ZMYND11: variants seen among roughly 807,000 people sequenced by gnomAD.
The protein encoded by ZMYND11 is zinc finger MYND domain-containing protein 11.
A neutral mutation model predicts 84.9 loss-of-function variants in ZMYND11; 9 were observed. The observed-to-expected ratio is 0.11, with a 90% CI of 0.06 to 0.18. The LOEUF is 0.18. Ranked by LOEUF, ZMYND11 falls within the 10% of genes least tolerant of loss-of-function variation. ZMYND11 has a pLI of 1.00. For missense variants in ZMYND11, 409 were observed against 761.0 expected, an observed-to-expected ratio of 0.54 and a Z score of 5.44; for synonymous variants, 250 against 244.1, an observed-to-expected ratio of 1.02 and a Z score of -0.23.
rs574736791 is a variant in ZMYND11, at chr10:148,021, T to C, written c.-20+12462T>C. 4 of 152,392 alleles carry C rather than the reference T, an allele frequency of 2.6e-5. No individual in the cohort carries two copies. In the South Asian group the frequency reaches 6.2e-4, roughly 24 times the overall value. The allele number at this position is 152,392 out of a possible 1,614,324, so 9.4% of individuals were successfully genotyped here. ...GTCCTGGGGTTATGTCTTCAGTCAA[T>C]AGTGAGACCACCTGAGAAAGTTTTT... On this transcript the variant is annotated intron_variant, in intron 1 of 14. Transcript: ENST00000381604.
chr10:233,412 T>C (rs138908306), intron 4 of ZMYND11, among the ~76,000 whole-genome samples: 429 of 152,338 alleles, frequency 2.8e-3, no homozygotes, highest in African/African-American at 9.9e-3. Flanking sequence ...CCGTGAGGGA[T>C]AAGTTTGGCC....
chr10:130,871 C>G (rs782299286), upstream of ZMYND11, among the ~76,000 whole-genome samples: 3 of 152,152 alleles, frequency 2.0e-5, no homozygotes, highest in Non-Finnish European at 4.4e-5. Flanking sequence ...GTAATTCCAG[C>G]ACTGGGGAAG....
At chr10:231,437 A>G (rs1949003216) in intron 4 of ZMYND11, among the ~76,000 whole-genome samples, 1 of 148,674 alleles carries the variant, frequency 6.7e-6, no homozygotes, top group Non-Finnish European at 1.5e-5. Flanking sequence ...CAGTGAACCA[A>G]AATGACCAAG....
At chr10:184,738 C>A (rs966551940) in intron 2 of ZMYND11, among the ~76,000 whole-genome samples, 1 of 152,150 alleles carries the variant, frequency 6.6e-6, no homozygotes, top group African/African-American at 2.4e-5. Context: ...GTCATTCTTA[C>A]GTGAAATCAC....
chr10:180,237 C>A, intron 2 of ZMYND11, 109 bp downstream of exon 2: 1 of 698,042 alleles, frequency 1.4e-6, no homozygotes, highest in Non-Finnish European at 2.3e-6. Flanking sequence ...TTACAAAGAA[C>A]TGAAGACACT....
intron 1 of ZMYND11, among the ~76,000 whole-genome samples, chr10:155,099 GTTTA>G (rs1457964286): frequency 2.0e-5 from 3 of 151,904 alleles, no homozygotes; most frequent in African/African-American, 4.8e-5. Context: ...TATTTTATTT[GTTTA>G]TTTATTTTCA....
rs375992389 is a variant in ZMYND11 at position 248,517 on chromosome 10, A to G, written c.1409A>G (p.Lys470Arg). Residue 470 changes from lysine (K) to arginine (R), a missense_variant, in exon 13 of 15, where the codon AAA (lysine) becomes AGA (arginine). Lys to Arg is a conservative substitution (Grantham distance 26, BLOSUM62 2). Around this residue, in one of 7 missense-constraint regions of ZMYND11, gnomAD observed 141 missense variants for 173.8 expected, o/e 0.81. Transcript: ENST00000381604. ...GTGTGTCAGAGCATGTGCCATGACA[A>G]ATACACCAAGATCTTCAATGACTTC... ...DGVCQSMCHD[K>R]YTKIFNDFKD... The G allele has an allele frequency of 2.5e-6, 4 of 1,614,074 alleles. No individual in the cohort carries two copies. The highest frequency in any genetic ancestry group is 3.4e-6 in the Non-Finnish European group (4 of 1,180,056).
intron 3 of ZMYND11, chr10:218,544 A>AT (rs1212108860): frequency 3.3e-5 from 10 of 301,282 alleles, no homozygotes; most frequent in Admixed American, 9.9e-5. Context: ...ATTCTGCTTT[A>AT]TTTTTTGTAT....
intron 1 of ZMYND11, among the ~76,000 whole-genome samples, chr10:165,890 G>A (rs1843892873): frequency 6.6e-6 from 1 of 152,076 alleles, no homozygotes; most frequent in African/African-American, 2.4e-5. Flanking sequence ...TAGATATGTA[G>A]TCTAGTAATA....
intron 9 of ZMYND11, among the ~76,000 whole-genome samples, chr10:241,613 T>A (rs1326349075): frequency 6.6e-6 from 1 of 152,260 alleles, no homozygotes; most frequent in African/African-American, 2.4e-5. Context: ...ACAAAGGGAA[T>A]TCTGAGCATT....
intron 2 of ZMYND11, among the ~76,000 whole-genome samples, chr10:203,156 T>A (rs948961629): frequency 3.9e-5 from 6 of 152,094 alleles, no homozygotes; most frequent in Non-Finnish European, 7.4e-5. Flanking sequence ...CTACAAAATC[T>A]AAAACAAGAT....
chr10:208,920 C>T (rs781656902), intron 2 of ZMYND11, among the ~76,000 whole-genome samples: 4 of 152,100 alleles, frequency 2.6e-5, no homozygotes, highest in Non-Finnish European at 5.9e-5. Context: ...ATTTAGCTCA[C>T]ACTATGTTTT....
intron 1 of ZMYND11, among the ~76,000 whole-genome samples, chr10:136,196 C>G (rs78123740): frequency 0.016 from 2,447 of 152,232 alleles, 57 homozygotes; most frequent in East Asian, 0.13. Flanking sequence ...CCTCCTCCCA[C>G]CCAGAGCTCC....
chr10:216,706 T>C (rs1002850595), intron 3 of ZMYND11, among the ~76,000 whole-genome samples: 2 of 152,222 alleles, frequency 1.3e-5, no homozygotes, highest in Admixed American at 1.3e-4. Context: ...GAAATTATTC[T>C]TGCTTTGGTA....
At position 207,640 on chromosome 10, in the gene ZMYND11, T is replaced by TA. The variant is rs1293053823; in HGVS notation, c.117-2245dup. On this transcript the variant is annotated intron_variant, in intron 2 of 14. Coordinates refer to ENST00000381604, the MANE Select transcript of ZMYND11 (RefSeq NM_001370100.5). ...AACTACAAACCACTGCTCAATGAAATAAAAGAGGATACAAACAAATGGAAG... is the reference window on the plus strand; with the variant it reads ...AACTACAAACCACTGCTCAATGAAATAAAAAGAGGATACAAACAAATGGAAG... Among the ~76,000 whole-genome samples, 5 of 152,036 alleles carry TA rather than the reference T, an allele frequency of 3.3e-5. No individual in the cohort carries two copies. In the East Asian group the frequency reaches 9.6e-4, roughly 29 times the overall value.
intron 3 of ZMYND11, among the ~76,000 whole-genome samples, chr10:220,078 G>T (rs568003193): frequency 6.6e-6 from 1 of 152,244 alleles, no homozygotes; most frequent in South Asian, 2.1e-4. Flanking sequence ...CAAAGAAGTT[G>T]CTGCTTATGG....
chr10:167,765 AT>A (rs1467307516), intron 1 of ZMYND11, among the ~76,000 whole-genome samples: 3 of 152,044 alleles, frequency 2.0e-5, no homozygotes, highest in Non-Finnish European at 4.4e-5. Context: ...TTAACCATTT[AT>A]TATTATAGAC....
At chr10:228,934 TAGC>T (rs1265704550) in intron 4 of ZMYND11, among the ~76,000 whole-genome samples, 2 of 152,162 alleles carry the variant, frequency 1.3e-5, no homozygotes, top group African/African-American at 2.4e-5. Context: ...AATACTATTT[TAGC>T]AGGTGTGTGT....
chr10:250,504 T>TTCTA (rs1331752296), intron 14 of ZMYND11, among the ~76,000 whole-genome samples: 6 of 151,170 alleles, frequency 4.0e-5, no homozygotes, highest in South Asian at 4.2e-4. Flanking sequence ...CTTAAAAAAT[T>TTCTA]CTTATGAGTA....
Sources: allele counts gnomAD v4.1 joint callset (sites outside exome capture counted in the v4.1 genomes callset), GRCh38; gene constraint gnomAD v4.1.1; regional missense constraint gnomAD v4.1.1; transcripts MANE v1.5; gene names NCBI Gene and HGNC (gene_info 2026-07-23, HGNC 2026-07-21).